Variants in ABTB2 observed in about 807,000 individuals in gnomAD.
ABTB2 encodes ankyrin repeat and BTB/POZ domain-containing protein 2.
ABTB2 carries 56 observed loss-of-function variants against 104.1 expected under a neutral mutation model. That is an observed-to-expected ratio of 0.54 (90% CI 0.43 to 0.67). ABTB2 has a LOEUF of 0.67. Ranked by LOEUF, ABTB2 falls within the 30% of genes least tolerant of loss-of-function variation. ABTB2 has a pLI of 0.00. For missense variants in ABTB2, 1,279 were observed against 1,407.7 expected (o/e 0.91, Z 1.46); for synonymous variants, 606 against 608.2 (o/e 1.00, Z 0.05).
intron 1 of ABTB2, chr11:34,335,585 G>T: frequency 6.7e-7 from 1 of 1,499,668 alleles, no homozygotes. Context: ...CACTTTCAAA[G>T]TTAAGTTTCT....
At chr11:34,261,438 A>G (rs1216950342) in intron 1 of ABTB2, among the ~76,000 whole-genome samples, 1 of 152,120 alleles carries the variant, frequency 6.6e-6, no homozygotes. Context: ...ACTTATAGAA[A>G]TCCTCCTATT....
At chr11:34,274,045 G>A (rs570782731) in intron 1 of ABTB2, among the ~76,000 whole-genome samples, 2 of 150,106 alleles carry the variant, frequency 1.3e-5, no homozygotes, top group East Asian at 3.9e-4. Context: ...CCAGCTACTC[G>A]GGAGGCTGAG....
At chr11:34,341,224 G>C (rs1011615081) in intron 1 of ABTB2, among the ~76,000 whole-genome samples, 4 of 152,252 alleles carry the variant, frequency 2.6e-5, no homozygotes, top group Admixed American at 2.6e-4. Context: ...TTTTGCTGAG[G>C]AGGAAACAAC....
In ABTB2 at chr11:34,204,565, C is replaced by T. The variant is rs759766308; in HGVS notation, c.1009G>A (p.Val337Met). The T allele has an allele frequency of 2.5e-6, 4 of 1,612,186 alleles. No homozygotes were observed. Among genetic ancestry groups the T allele is most frequent in the East Asian group, 2.2e-5 (1 of 44,838 alleles). The change falls in exon 2 of 17, where the codon GTG becomes ATG. Residue 337 changes from valine (V) to methionine (M), a missense_variant. Val to Met is a conservative substitution (Grantham distance 21). Transcript: ENST00000435224. ...TTACTCAGCTCCGAGATGCTGCCCA[C>T]GCAGGTGGCCAGGAGGGACTGCTCC... ...TLEQSLLATCVGSISELSDLV... is the reference protein window; with the variant it reads ...TLEQSLLATCMGSISELSDLV...
chr11:34,313,637 T>A (rs550017968), intron 1 of ABTB2, among the ~76,000 whole-genome samples: 1 of 152,322 alleles, frequency 6.6e-6, no homozygotes, highest in African/African-American at 2.4e-5. Flanking sequence ...ACATTTCATG[T>A]AGACGGTGAT....
At chr11:34,223,893 G>A (rs2133052257) in intron 1 of ABTB2, among the ~76,000 whole-genome samples, 1 of 152,244 alleles carries the variant, frequency 6.6e-6, no homozygotes, top group East Asian at 1.9e-4. Context: ...TCTACACCCT[G>A]TAAACCCAGC....
intron 1 of ABTB2, among the ~76,000 whole-genome samples, chr11:34,345,120 A>G (rs10768059): frequency 0.15 from 23,456 of 152,106 alleles, 3,158 homozygotes; most frequent in East Asian, 0.35. Context: ...AGTCCCTCCA[A>G]TGCTTTTCAG....
At chr11:34,329,783 AGT>A (rs1855108907) in intron 1 of ABTB2, among the ~76,000 whole-genome samples, 1 of 152,232 alleles carries the variant, frequency 6.6e-6, no homozygotes, top group African/African-American at 2.4e-5. Context: ...TCTGAGTCAA[AGT>A]GTACCTGAAG....
At chr11:34,341,073 A>T (rs1855256470) in intron 1 of ABTB2, among the ~76,000 whole-genome samples, 1 of 152,244 alleles carries the variant, frequency 6.6e-6, no homozygotes, top group Non-Finnish European at 1.5e-5. Flanking sequence ...TGTGTGGCTC[A>T]AAGAAGAAAA....
intron 5 of ABTB2, among the ~76,000 whole-genome samples, chr11:34,168,420 T>C (rs1852831167): frequency 6.6e-6 from 1 of 152,206 alleles, no homozygotes; most frequent in Non-Finnish European, 1.5e-5. Flanking sequence ...GAGCTTACCT[T>C]GATTAAGAGC....
Position 34,356,195 on chromosome 11 carries a change from A to G in ABTB2, c.883+506T>C, listed in dbSNP as rs1855462509. On this transcript the variant is annotated intron_variant, in intron 1 of 16. Coordinates refer to ENST00000435224, the MANE Select transcript of ABTB2 (RefSeq NM_145804.3). The surrounding 1 kb of genome is among the most constrained non-coding windows in gnomAD (Gnocchi z 4.6). ...AGCAAAGCACAAGGCGCAGCACCAG[A>G]TCTTGGGCTTCCCACTTCCCTCCGC... 6.6e-6 allele frequency among the ~76,000 whole-genome samples: 1 copy of G among 152,124 alleles called. No homozygotes were observed. The highest frequency in any genetic ancestry group is 1.5e-5 in the Non-Finnish European group (1 of 68,010).
intron 1 of ABTB2, among the ~76,000 whole-genome samples, chr11:34,279,556 G>A (rs1396378724): frequency 6.6e-6 from 1 of 152,210 alleles, no homozygotes; most frequent in Non-Finnish European, 1.5e-5. Context: ...GTCATAGCCT[G>A]AGCTTCCCCA....
intron 1 of ABTB2, among the ~76,000 whole-genome samples, chr11:34,339,146 C>T (rs963015873): frequency 2.6e-5 from 4 of 152,206 alleles, no homozygotes; most frequent in African/African-American, 9.7e-5. Flanking sequence ...TCATCTTGAC[C>T]AGGCTGGTCT....
intron 1 of ABTB2, among the ~76,000 whole-genome samples, chr11:34,348,781 T>C (rs904439371): frequency 1.2e-4 from 19 of 152,224 alleles, no homozygotes; most frequent in African/African-American, 4.3e-4. Flanking sequence ...GAACCAGCAA[T>C]GAAGACTAGA....
chr11:34,338,542 C>CA (rs35340521), intron 1 of ABTB2, among the ~76,000 whole-genome samples: 12,815 of 135,726 alleles, frequency 0.094, 1,726 homozygotes, highest in African/African-American at 0.3. Context: ...ACTAAAAGTA[C>CA]AAAAAAAAAA....
chr11:34,338,893 C>G (rs1855227878), intron 1 of ABTB2, among the ~76,000 whole-genome samples: 1 of 152,146 alleles, frequency 6.6e-6, no homozygotes, highest in Non-Finnish European at 1.5e-5. Flanking sequence ...TCAACAGTAG[C>G]AACAGTGGCA....
At chr11:34,317,312 G>C (rs1333183435) in intron 1 of ABTB2, among the ~76,000 whole-genome samples, 1 of 152,130 alleles carries the variant, frequency 6.6e-6, no homozygotes, top group Non-Finnish European at 1.5e-5. Context: ...GTGTTTACAG[G>C]CTTTCTACCC....
rs562822659 is a variant in ABTB2 at position 34,241,578 on chromosome 11, T to G, written c.884-36888A>C. Among the ~76,000 whole-genome samples, 9 of 152,292 alleles carry G rather than the reference T, an allele frequency of 5.9e-5. No homozygotes were observed. In the South Asian group the frequency reaches 1.9e-3, roughly 32 times the overall value. ...GCATTTCCCACATCCAGAGCTCCAA[T>G]GCTGATAATTTATTGTTATTATTAA... On this transcript the variant is annotated intron_variant, in intron 1 of 16. Coordinates refer to ENST00000435224, the MANE Select transcript of ABTB2 (RefSeq NM_145804.3).
At chr11:34,246,601 CA>C (rs60681759) in intron 1 of ABTB2, among the ~76,000 whole-genome samples, 3,240 of 34,454 alleles carry the variant, frequency 0.094, 20 homozygotes, top group Admixed American at 0.13. Context: ...AACTCCATCT[CA>C]AAAAAAAAAA....
Sources: allele counts gnomAD v4.1 joint callset (sites outside exome capture counted in the v4.1 genomes callset), GRCh38; gene constraint gnomAD v4.1.1; non-coding constraint Gnocchi (gnomAD v3.1); transcripts MANE v1.5; gene names NCBI Gene and HGNC (gene_info 2026-07-23, HGNC 2026-07-21).